TRIB3: variants seen among roughly 807,000 people sequenced by gnomAD.
TRIB3 encodes tribbles homolog 3.
Under a neutral mutation model 16.6 loss-of-function variants are expected in TRIB3, and 20 were observed. The ratio of observed to expected loss-of-function variants is 1.20; its 90% CI spans 0.85 to 1.75. The LOEUF is 1.75. Among genes scored for constraint, TRIB3 ranks in the 40% most tolerant of loss-of-function variants. The pLI is 0.00. For missense variants in TRIB3, 484 were observed against 488.9 expected (o/e 0.99, Z 0.10); for synonymous variants, 208 against 217.0 (o/e 0.96, Z 0.36).
intron 3 of TRIB3, 65 bp from the exon 4 acceptor site, chr20:396,133 G>A: frequency 6.5e-7 from 1 of 1,549,050 alleles, no homozygotes; most frequent in Non-Finnish European, 8.7e-7. Flanking sequence ...AAGGGTGATA[G>A]CATGGGGTGG....
chr20:396,080 G>T lies in TRIB3; in HGVS notation c.585-118G>T, dbSNP rs1000310121. 360 of 1,436,342 alleles carry T rather than the reference G, an allele frequency of 2.5e-4. No homozygotes were observed. The Admixed American group carries it at 2.8e-3, about 11-fold the overall frequency. The allele number at this position is 1,436,342 out of a possible 1,614,324, so 89.0% of individuals were successfully genotyped here. A position where few individuals can be genotyped will look rare whatever the true frequency, so the allele number is the denominator to read the frequency against. On this transcript the variant is annotated intron_variant, in intron 3 of 3. Transcript: ENST00000217233. ...GGATCAGACATCACAGGACTGGCTTGTGTCTGTCAAAGGCCAGCAGGCACT... is the reference window on the plus strand; with the variant it reads ...GGATCAGACATCACAGGACTGGCTTTTGTCTGTCAAAGGCCAGCAGGCACT...
intron 1 of TRIB3, among the ~76,000 whole-genome samples, chr20:385,062 G>A (rs1399259347): frequency 6.6e-6 from 1 of 152,156 alleles, no homozygotes; most frequent in Non-Finnish European, 1.5e-5. Context: ...GCCATATGAT[G>A]CTCGTAGAGC....
Position 391,443 on chromosome 20 carries a change from A to T in TRIB3, c.448A>T (p.Ser150Cys). ...TGGGGACATGCACAGCCTGGTGCGA[A>T]GCCGCCACCGTATCCCTGAGCCTGA... ...THGDMHSLVR[S>C]RHRIPEPEAA... The change falls in exon 3 of 4, where the codon AGC becomes TGC. Residue 150 changes from serine to cysteine, a missense_variant. By Grantham distance (112) the Ser-to-Cys change is moderately radical (BLOSUM62 -1). Coordinates refer to ENST00000217233, the MANE Select transcript of TRIB3 (RefSeq NM_021158.5). 1 of 1,613,930 alleles carries T rather than the reference A, an allele frequency of 6.2e-7. No individual in the cohort carries two copies.
intron 3 of TRIB3, 119 bp downstream of exon 3, chr20:391,698 A>G: frequency 7.6e-7 from 1 of 1,318,562 alleles, no homozygotes; most frequent in South Asian, 1.4e-5. Context: ...AAACTGAAGT[A>G]ACCAGCAGCC....
intron 1 of TRIB3, among the ~76,000 whole-genome samples, chr20:381,825 G>A (rs1460773406): frequency 6.6e-6 from 1 of 152,198 alleles, no homozygotes; most frequent in Non-Finnish European, 1.5e-5. Flanking sequence ...TCCCCAGTGC[G>A]CGGCTCCGGG....
At chr20:382,147 GC>G (rs2014679265) in intron 1 of TRIB3, among the ~76,000 whole-genome samples, 1 of 151,950 alleles carries the variant, frequency 6.6e-6, no homozygotes, top group Non-Finnish European at 1.5e-5. Flanking sequence ...GCGCGCTTGC[GC>G]TTGATGTAAC....
chr20:395,419 C>G (rs963372226), intron 3 of TRIB3, among the ~76,000 whole-genome samples: 4 of 152,086 alleles, frequency 2.6e-5, no homozygotes, highest in African/African-American at 4.8e-5. Flanking sequence ...CCTCGGCCTC[C>G]CAAAGTGCTA....
rs2015156341 is a variant in TRIB3 at position 397,324 on chromosome 20, A to G, written c.*634A>G. 6.6e-6 allele frequency: 1 copy of G among 152,670 alleles called. No homozygotes were observed. Among genetic ancestry groups the G allele is most frequent in the African/African-American group, 2.4e-5 (1 of 41,440 alleles). The allele number at this position is 152,670 out of a possible 1,614,324, so 9.5% of individuals were successfully genotyped here. A position where few individuals can be genotyped will look rare whatever the true frequency, so the allele number is the denominator to read the frequency against. ...CAAACTATGAGGCTAGTTCTTGTCT[A>G]ACTCAAGACTGTTCTGGAATGAGGG... On this transcript the variant is annotated 3_prime_UTR_variant, in exon 4 of 4. Coordinates refer to ENST00000217233, the MANE Select transcript of TRIB3 (RefSeq NM_021158.5).
intron 3 of TRIB3, among the ~76,000 whole-genome samples, chr20:394,099 C>T (rs562757338): frequency 1.4e-5 from 2 of 147,660 alleles, no homozygotes; most frequent in Non-Finnish European, 3.0e-5. Flanking sequence ...GGCACGATCT[C>T]GGCTCACTGC....
rs946328515 is a variant in TRIB3, at chr20:396,991, T to G, written c.*301T>G. On this transcript the variant is annotated 3_prime_UTR_variant, in exon 4 of 4. Transcript: ENST00000217233. Reference sequence around the variant, plus strand: ...TGGCATCCTTGAGCTGACAACACTTTTCCATGACCATAGGTCACTGTCTAC... The same window carrying G: ...TGGCATCCTTGAGCTGACAACACTTGTCCATGACCATAGGTCACTGTCTAC... 11 of 365,850 alleles carry G rather than the reference T, an allele frequency of 3.0e-5. No homozygotes were observed. Among genetic ancestry groups the G allele is most frequent in the Non-Finnish European group, 5.0e-5 (10 of 198,464 alleles). 22.7% of individuals were successfully genotyped at this position (365,850 alleles called of 1,614,324 possible). A position where few individuals can be genotyped will look rare whatever the true frequency, so the allele number is the denominator to read the frequency against.
At chr20:384,106 C>G (rs2014732050) in intron 1 of TRIB3, among the ~76,000 whole-genome samples, 2 of 152,100 alleles carry the variant, frequency 1.3e-5, no homozygotes, top group Non-Finnish European at 2.9e-5. Context: ...AACTTCGCGT[C>G]TCCATCTAGC....
chr20:382,453 C>A, intron 1 of TRIB3: 1 of 1,361,980 alleles, frequency 7.3e-7, no homozygotes, highest in South Asian at 1.3e-5. Context: ...ATGTGCACAG[C>A]CAGGTATCAT....
At chr20:391,235 G>A in intron 2 of TRIB3, 52 bp from the exon 3 acceptor site, 1 of 1,571,450 alleles carries the variant, frequency 6.4e-7, no homozygotes, top group Non-Finnish European at 8.6e-7. Flanking sequence ...TGCAATGCCA[G>A]CCTCAGCTCC....
chr20:393,216 C>T (rs892445274), intron 3 of TRIB3, among the ~76,000 whole-genome samples: 1 of 152,212 alleles, frequency 6.6e-6, no homozygotes, highest in African/African-American at 2.4e-5. Context: ...CCCACTAACA[C>T]CCCTTGCTGT....
In TRIB3 at chr20:396,436, C is replaced by A; in HGVS notation, c.823C>A (p.Arg275Ser). 6.2e-6 allele frequency: 10 copies of A among 1,612,876 alleles called. No homozygotes were observed. Among genetic ancestry groups the A allele is most frequent in the Non-Finnish European group, 8.5e-6 (10 of 1,180,004 alleles). Residue 275 changes from arginine to serine, a missense_variant, in exon 4 of 4, where the codon CGC becomes AGC. Arg to Ser is a moderately radical substitution (Grantham distance 110). Coordinates refer to ENST00000217233, the MANE Select transcript of TRIB3 (RefSeq NM_021158.5). ...TGTCCTGCTCTTCGGCAAGATCCGC[C>A]GCGGGGCCTACGCCTTGCCTGCAGG... is the stretch of plus-strand genomic sequence containing the variant. ...EPVLLFGKIR[R>S]GAYALPAGLS...
chr20:382,570 A>G (rs1451664138), intron 1 of TRIB3: 10 of 1,535,692 alleles, frequency 6.5e-6, no homozygotes, highest in Non-Finnish European at 7.8e-6. Context: ...TCTTGCTGTG[A>G]AGAATAACAG....
chr20:391,350 C>T lies in TRIB3; in HGVS notation c.355C>T (p.His119Tyr). Residue 119 changes from histidine to tyrosine, a missense_variant, in exon 3 of 4, where the codon CAT becomes TAT. Transcript: ENST00000217233. ...CTATGCGCGGCTGCCCCCGCACAAG[C>T]ATGTGGCTCGGCCCACTGAGGTCCT... ...EPYARLPPHK[H>Y]VARPTEVLAG... 1 of 1,613,490 alleles carries T rather than the reference C, an allele frequency of 6.2e-7. No homozygotes were observed. Among genetic ancestry groups the T allele is most frequent in the Non-Finnish European group, 8.5e-7 (1 of 1,180,026 alleles).
chr20:392,098 G>T (rs60816831), intron 3 of TRIB3, among the ~76,000 whole-genome samples: 9,531 of 151,974 alleles, frequency 0.063, 923 homozygotes, highest in African/African-American at 0.21. Context: ...AGATGTGAAA[G>T]TCATAGTAGC....
Position 391,597 on chromosome 20 carries a change from G to T in TRIB3, c.584+18G>T. 6.3e-7 allele frequency: 1 copy of T among 1,597,110 alleles called. No individual in the cohort carries two copies. On this transcript the variant is annotated intron_variant, in intron 3 of 3. Transcript: ENST00000217233. The stretch of plus-strand genomic sequence containing the variant: ...CGTGAGAGGTGAGTGTGGTCTCAGA[G>T]ACCCCAGCCACAGACACACCCAGGG...
Sources: allele counts gnomAD v4.1 joint callset (sites outside exome capture counted in the v4.1 genomes callset), GRCh38; gene constraint gnomAD v4.1.1; transcripts MANE v1.5; gene names NCBI Gene and HGNC (gene_info 2026-07-23, HGNC 2026-07-21).